POGLUT2: variants seen among roughly 807,000 people sequenced by gnomAD.
POGLUT2 encodes protein O-glucosyltransferase 2, also known as ER protein 58.
POGLUT2 carries 47 observed loss-of-function variants against 57.6 expected under a neutral mutation model. That is an observed-to-expected ratio of 0.82 (90% CI 0.65 to 1.04). The LOEUF is 1.04. POGLUT2 is among the 50% of genes least tolerant of loss of function. The pLI, the probability that POGLUT2 is intolerant of heterozygous loss-of-function variation, is 0.00. For synonymous variants in POGLUT2, 200 were observed against 218.8 expected (o/e 0.91, Z 0.76); for missense variants, 565 against 614.8 (o/e 0.92, Z 0.86).
chr13:102,784,973 G>A (rs1441435426), intron 9 of POGLUT2, among the ~76,000 whole-genome samples: 1 of 152,108 alleles, frequency 6.6e-6, no homozygotes, highest in Non-Finnish European at 1.5e-5. Flanking sequence ...ACCAAATCAC[G>A]GATTGGTGAG....
chr13:102,796,693 AAAAAAAATAT>A, intron 2 of POGLUT2, 101 bp downstream of exon 2: 2 of 153,842 alleles, frequency 1.3e-5, no homozygotes, highest in East Asian at 1.3e-4. Flanking sequence ...TAAAAAAAAA[AAAAAAAATAT>A]ATATATATAT....
rs777337937 is a variant in POGLUT2 at position 102,789,107 on chromosome 13, T to C, written c.1198A>G (p.Asn400Asp). ...TAGTGTTTCCAGGGCTGCAGCTCAT[T>C]GTAAAAATGTTCATAGTAGATGGAA... ...QDSIYYEHFY[N>D]ELQPWKHYIP... The change falls in exon 7 of 10, where the codon AAT (asparagine) becomes GAT (aspartate). Residue 400 changes from asparagine to aspartate, a missense_variant. Physicochemically the swap from Asn to Asp is conservative, Grantham distance 23. Coordinates refer to ENST00000376004, the MANE Select transcript of POGLUT2 (RefSeq NM_024089.3). 6.2e-7 allele frequency: 1 copy of C among 1,614,186 alleles called. No individual in the cohort carries two copies. Among genetic ancestry groups the C allele is most frequent in the Admixed American group, 1.7e-5 (1 of 60,024 alleles).
At chr13:102,796,093 G>A (rs970503871) in intron 2 of POGLUT2, among the ~76,000 whole-genome samples, 1 of 151,762 alleles carries the variant, frequency 6.6e-6, no homozygotes, top group African/African-American at 2.4e-5. Flanking sequence ...TCAAGAGATC[G>A]AAACCATCCT....
intron 8 of POGLUT2, 32 bp downstream of exon 8, chr13:102,787,802 G>A (rs1173915031): frequency 8.3e-7 from 1 of 1,211,384 alleles, no homozygotes; most frequent in Middle Eastern, 2.0e-4. Flanking sequence ...CTACTTATAA[G>A]TTACGTGATG....
Position 102,786,281 on chromosome 13 carries a change from T to C in POGLUT2, c.1442A>G (p.Glu481Gly), listed in dbSNP as rs1476079286. 1 of 1,614,082 alleles carries C rather than the reference T, an allele frequency of 6.2e-7. No homozygotes were observed. The highest frequency in any genetic ancestry group is 8.5e-7 in the Non-Finnish European group (1 of 1,179,922). ...GAAGAGGTCGTCCTCAGTCTGTGGT[T>C]CTACCCTTTTCATGCCCTCTCGGAT... is the stretch of plus-strand genomic sequence containing the variant. ...PQIREGMKRV[E>G]PQTEDDLFPC... The change falls in exon 9 of 10, where the codon GAA becomes GGA. Residue 481 changes from glutamate (E) to glycine (G), a missense_variant. By Grantham distance (98) the Glu-to-Gly change is moderately conservative (BLOSUM62 -2). Transcript: ENST00000376004.
rs891257080 is a variant in POGLUT2 at position 102,798,915 on chromosome 13, G to C, written c.-245C>G. 4.3e-6 allele frequency: 2 copies of C among 467,730 alleles called. No individual in the cohort carries two copies. The highest frequency in any genetic ancestry group is 7.9e-5 in the Admixed American group (2 of 25,166). 29.0% of individuals were successfully genotyped at this position (467,730 alleles called of 1,614,324 possible). On this transcript the variant is annotated 5_prime_UTR_variant, in exon 1 of 10. Coordinates refer to ENST00000376004, the MANE Select transcript of POGLUT2 (RefSeq NM_024089.3). ...TTCTGCTGTCCCGGCCGAGAACCGCGCTGCTCCTCTCTCTCAGGACAATGA... is the reference window on the plus strand; with the variant it reads ...TTCTGCTGTCCCGGCCGAGAACCGCCCTGCTCCTCTCTCTCAGGACAATGA...
chr13:102,789,438 A>G (rs935300763), intron 6 of POGLUT2, among the ~76,000 whole-genome samples: 1 of 152,206 alleles, frequency 6.6e-6, no homozygotes. Flanking sequence ...CAAAGGATAC[A>G]AATCTAGTGT....
chr13:102,791,230 T>G (rs1878158032), intron 5 of POGLUT2, 28 bp downstream of exon 5: 1 of 1,603,638 alleles, frequency 6.2e-7, no homozygotes, highest in Non-Finnish European at 8.5e-7. Flanking sequence ...AAACCAAGGC[T>G]CTGGGCCAAC....
At chr13:102,795,952 A>G (rs887744705) in intron 2 of POGLUT2, among the ~76,000 whole-genome samples, 2 of 152,136 alleles carry the variant, frequency 1.3e-5, no homozygotes, top group Non-Finnish European at 2.9e-5. Flanking sequence ...CGCCTGTAAG[A>G]GGGAAGGAGA....
At chr13:102,796,313 T>A (rs9670772) in intron 2 of POGLUT2, among the ~76,000 whole-genome samples, 22,923 of 125,446 alleles carry the variant, frequency 0.18, 2,331 homozygotes, top group South Asian at 0.24. Context: ...AAAAAAAAAA[T>A]AAATAAATAA....
At position 102,788,995 on chromosome 13, in the gene POGLUT2, A is replaced by G; in HGVS notation, c.1293+17T>C. The G allele has an allele frequency of 6.2e-7, 1 of 1,602,778 alleles. No individual in the cohort carries two copies. Among genetic ancestry groups the G allele is most frequent in the Non-Finnish European group, 8.5e-7 (1 of 1,170,632 alleles). On this transcript the variant is annotated intron_variant, in intron 7 of 9. Coordinates refer to ENST00000376004, the MANE Select transcript of POGLUT2 (RefSeq NM_024089.3). The stretch of plus-strand genomic sequence containing the variant: ...GGGAAACAAGTGGAAATAAGCCTTC[A>G]AGGGGACTAACCTTACCTCTTCATC...
intron 2 of POGLUT2, among the ~76,000 whole-genome samples, chr13:102,796,309 A>AAAAAAAAATAAAT (rs1555319540): frequency 7.9e-6 from 1 of 125,986 alleles, no homozygotes; most frequent in African/African-American, 3.1e-5. Context: ...AAAAAAAAAA[A>AAAAAAAAATAAAT]AAATAAATAA....
At chr13:102,792,827 G>T (rs190905797) in intron 4 of POGLUT2, among the ~76,000 whole-genome samples, 2 of 152,126 alleles carry the variant, frequency 1.3e-5, no homozygotes, top group African/African-American at 4.8e-5. Flanking sequence ...TCTCACTCTT[G>T]TCACCCAGGC....
intron 4 of POGLUT2, chr13:102,793,056 G>A (rs1177426001): frequency 6.1e-6 from 2 of 330,036 alleles, no homozygotes; most frequent in Admixed American, 4.5e-5. Context: ...GATTACAGGC[G>A]TGAGCCATGG....
At chr13:102,787,764 A>C (rs1697253767) in intron 8 of POGLUT2, 70 bp downstream of exon 8, 1 of 774,590 alleles carries the variant, frequency 1.3e-6, no homozygotes, top group African/African-American at 1.7e-5. Context: ...GAAATTGTTA[A>C]GTAAAATATT....
chr13:102,787,817 T>C lies in POGLUT2; in HGVS notation c.1383+17A>G. ...CTACTTATAAGTTACGTGATGATTTTCTTGGAAAATACTGACCTGGAAAAG... is the reference window on the plus strand; with the variant it reads ...CTACTTATAAGTTACGTGATGATTTCCTTGGAAAATACTGACCTGGAAAAG... On this transcript the variant is annotated intron_variant, in intron 8 of 9. Transcript: ENST00000376004. 7.0e-7 allele frequency: 1 copy of C among 1,420,324 alleles called. No individual in the cohort carries two copies. Among genetic ancestry groups the C allele is most frequent in the Non-Finnish European group, 9.7e-7 (1 of 1,030,286 alleles). 88.0% of individuals were successfully genotyped at this position (1,420,324 alleles called of 1,614,324 possible). A position where few individuals can be genotyped will look rare whatever the true frequency, so the allele number is the denominator to read the frequency against.
intron 6 of POGLUT2, among the ~76,000 whole-genome samples, chr13:102,790,284 G>A (rs1878116493): frequency 6.6e-6 from 1 of 152,204 alleles, no homozygotes; most frequent in Non-Finnish European, 1.5e-5. Context: ...ACATACAGAG[G>A]ACAGATGATG....
At chr13:102,796,695 AAAAAAT>A (rs915397988) in intron 2 of POGLUT2, 103 bp downstream of exon 2, 742 of 147,062 alleles carry the variant, frequency 5.0e-3, no homozygotes, top group East Asian at 8.9e-3. Flanking sequence ...AAAAAAAAAA[AAAAAAT>A]ATATATATAT....
At chr13:102,794,064 C>T (rs910775628) in intron 2 of POGLUT2, among the ~76,000 whole-genome samples, 5 of 151,822 alleles carry the variant, frequency 3.3e-5, no homozygotes, top group African/African-American at 1.2e-4. Flanking sequence ...ACAGGGAGAC[C>T]ATGTCTCTAC....
Sources: allele counts gnomAD v4.1 joint callset (sites outside exome capture counted in the v4.1 genomes callset), GRCh38; gene constraint gnomAD v4.1.1; transcripts MANE v1.5; gene names NCBI Gene and HGNC (gene_info 2026-07-23, HGNC 2026-07-21).